UTS2: variants seen among roughly 807,000 people sequenced by gnomAD.
UTS2 encodes urotensin-2.
In UTS2, 10 loss-of-function variants were observed where a neutral mutation model predicts 12.6. The observed-to-expected ratio is 0.80, with a 90% CI of 0.49 to 1.35. The LOEUF (loss-of-function observed/expected upper bound fraction) is 1.35, where lower values mean the gene tolerates loss of function less well. Ranked by LOEUF, UTS2 falls within the 40% of genes most tolerant of loss-of-function variation. The probability of loss-of-function intolerance (pLI) is 0.00; values close to 1 mark genes in which losing one functional copy is unlikely to be tolerated. For missense variants in UTS2, 142 were observed against 143.2 expected (o/e 0.99, Z 0.04); for synonymous variants, 52 against 50.0 (o/e 1.04, Z -0.17).
chr1:7,905,423 G>A, the UTS2 span, among the ~76,000 whole-genome samples: 12 of 150 alleles, frequency 0.08, no homozygotes, highest in Non-Finnish European at 0.13. Flanking sequence ...GGGATTATAG[G>A]CGTGACGCCG....
At chr1:7,862,988 G>GTAT in the UTS2 span, among the ~76,000 whole-genome samples, 7 of 28,040 alleles carry the variant, frequency 2.5e-4, no homozygotes, top group African/African-American at 7.3e-4. Flanking sequence ...TTATTGTGTT[G>GTAT]TGTTGTATTG....
chr1:7,884,692 T>C, the UTS2 span, among the ~76,000 whole-genome samples: 10 of 152,180 alleles, frequency 6.6e-5, no homozygotes, highest in African/African-American at 2.2e-4. Context: ...AGTAGCTTCA[T>C]CCATCCAACC....
intron 3 of UTS2, among the ~76,000 whole-genome samples, chr1:7,848,509 A>ATACTG (rs909049262): frequency 1.9e-5 from 2 of 104,264 alleles, no homozygotes; most frequent in African/African-American, 3.0e-5. Flanking sequence ...TGTATTGTGT[A>ATACTG]TACTGTATTG....
chr1:7,872,299 C>CAAAAAAAAAAAA, the UTS2 span, among the ~76,000 whole-genome samples: 152 of 65,862 alleles, frequency 2.3e-3, 5 homozygotes, highest in Non-Finnish European at 3.5e-3. Flanking sequence ...GACTCTGTCT[C>CAAAAAAAAAAAA]AAAAAAAAAA....
At chr1:7,863,081 T>G in the UTS2 span, among the ~76,000 whole-genome samples, 1 of 100,924 alleles carries the variant, frequency 9.9e-6, no homozygotes, top group African/African-American at 3.9e-5. Context: ...TTGTATTGTA[T>G]TGTATTGTAT....
the UTS2 span, among the ~76,000 whole-genome samples, chr1:7,872,042 C>G: frequency 6.6e-6 from 1 of 151,974 alleles, no homozygotes. Context: ...TGGCTCACGC[C>G]TGTAATCCCA....
At chr1:7,889,958 T>C in the UTS2 span, among the ~76,000 whole-genome samples, 6 of 152,072 alleles carry the variant, frequency 3.9e-5, 1 homozygote, top group South Asian at 1.2e-3. Context: ...TCCCAGCTAC[T>C]CGGGAGGCTG....
chr1:7,877,527 G>A, the UTS2 span, among the ~76,000 whole-genome samples: 4 of 152,290 alleles, frequency 2.6e-5, no homozygotes, highest in East Asian at 1.9e-4. Context: ...TTTAAATTTT[G>A]GGTAGTCCAG....
the UTS2 span, among the ~76,000 whole-genome samples, chr1:7,911,517 G>A: frequency 3.3e-5 from 5 of 152,144 alleles, no homozygotes; most frequent in East Asian, 3.9e-4. Flanking sequence ...CCTCTGCTAC[G>A]AAAAGGTGGT....
chr1:7,868,121 G>A, the UTS2 span, among the ~76,000 whole-genome samples: 92,171 of 141,296 alleles, frequency 0.65, 28,519 homozygotes, highest in Middle Eastern at 0.7. Context: ...CAGTTCTGCC[G>A]GCACATCACC....
At chr1:7,849,457 C>T (rs1216889204) in intron 3 of UTS2, among the ~76,000 whole-genome samples, 183 bp downstream of exon 3, 2 of 151,998 alleles carry the variant, frequency 1.3e-5, no homozygotes, top group Non-Finnish European at 2.9e-5. Flanking sequence ...GTGGTCCGCC[C>T]GCCTCGGCCT....
chr1:7,906,509 A>AAG, the UTS2 span, among the ~76,000 whole-genome samples: 4 of 148,874 alleles, frequency 2.7e-5, no homozygotes, highest in East Asian at 2.0e-4. Context: ...GAAAGAAAGA[A>AAG]AAGAGGGAGG....
At chr1:7,876,216 G>T in the UTS2 span, among the ~76,000 whole-genome samples, 1 of 152,164 alleles carries the variant, frequency 6.6e-6, no homozygotes, top group African/African-American at 2.4e-5. Context: ...GGGCCCGGGG[G>T]ATCAACCTGC....
chr1:7,853,598 G>T, upstream of UTS2: 1 of 861,642 alleles, frequency 1.2e-6, no homozygotes, highest in Non-Finnish European at 1.7e-6. Flanking sequence ...AGACAATTCT[G>T]TACATACACG....
At chr1:7,900,781 C>CA in the UTS2 span, among the ~76,000 whole-genome samples, 12,821 of 148,270 alleles carry the variant, frequency 0.086, 1,783 homozygotes, top group African/African-American at 0.3. Flanking sequence ...ATTCCATCTC[C>CA]AAAAAAAAAA....
the UTS2 span, among the ~76,000 whole-genome samples, chr1:7,868,305 G>A: frequency 0.38 from 58,474 of 152,102 alleles, 11,942 homozygotes; most frequent in African/African-American, 0.5. Flanking sequence ...TTGTGGGCAC[G>A]TGTTTCATCC....
At chr1:7,865,758 C>A in the UTS2 span, among the ~76,000 whole-genome samples, 1 of 152,070 alleles carries the variant, frequency 6.6e-6, no homozygotes, top group South Asian at 2.1e-4. Context: ...CACAGGGAGA[C>A]CCCATCTCTA....
At chr1:7,909,768 C>G in the UTS2 span, among the ~76,000 whole-genome samples, 51 of 151,886 alleles carry the variant, frequency 3.4e-4, no homozygotes, top group African/African-American at 1.1e-3. Context: ...CTACAGGCGC[C>G]CACCACCACG....
At chr1:7,877,252 T>C in the UTS2 span, among the ~76,000 whole-genome samples, 2 of 150,172 alleles carry the variant, frequency 1.3e-5, no homozygotes, top group African/African-American at 4.9e-5. Context: ...TCCAACAGAC[T>C]CCAATGAAAA....
Sources: allele counts gnomAD v4.1 joint callset (sites outside exome capture counted in the v4.1 genomes callset), GRCh38; gene constraint gnomAD v4.1.1; transcripts MANE v1.5; gene names NCBI Gene and HGNC (gene_info 2026-07-23, HGNC 2026-07-21).